The following PARD3 variants were observed in gnomAD, a reference collection of about 807,000 sequenced individuals.
PARD3 encodes partitioning defective 3 homolog.
A neutral mutation model predicts 155.4 loss-of-function variants in PARD3; 75 were observed. The ratio of observed to expected loss-of-function variants is 0.48; its 90% CI spans 0.40 to 0.58. The LOEUF (loss-of-function observed/expected upper bound fraction) is 0.58, where lower values mean the gene tolerates loss of function less well. Among genes scored for constraint, PARD3 ranks in the 20% least tolerant of loss-of-function variants. The pLI, the probability that PARD3 is intolerant of heterozygous loss-of-function variation, is 0.00. For missense variants in PARD3, 1,642 were observed against 1,721.7 expected, an observed-to-expected ratio of 0.95 and a Z score of 0.82; for synonymous variants, 576 against 610.5, an observed-to-expected ratio of 0.94 and a Z score of 0.83.
chr10:34,573,303 C>T (rs750709697), intron 2 of PARD3, among the ~76,000 whole-genome samples: 1 of 152,178 alleles, frequency 6.6e-6, no homozygotes, highest in Non-Finnish European at 1.5e-5. Context: ...CTGTAGTGAA[C>T]CATGATCACA....
intron 2 of PARD3, among the ~76,000 whole-genome samples, chr10:34,561,294 G>A (rs147817459): frequency 2.6e-4 from 40 of 152,242 alleles, no homozygotes; most frequent in Admixed American, 8.5e-4. Flanking sequence ...CATGACAATT[G>A]TAAAGGTGAA....
Position 34,131,490 on chromosome 10 carries a change from C to T in PARD3, c.3513G>A (p.Arg1171=), listed in dbSNP as rs549608022. The T allele has an allele frequency of 1.2e-6, 2 of 1,614,126 alleles. No individual in the cohort carries two copies. Among genetic ancestry groups the T allele is most frequent in the South Asian group, 2.2e-5 (2 of 91,082 alleles). The change falls in exon 23 of 25, where the codon CGG becomes CGA. Residue 1171 remains arginine (R), a synonymous_variant. Coordinates refer to ENST00000374788, the MANE Select transcript of PARD3 (RefSeq NM_001184785.2). The part of the protein sequence containing the change: ...AKQDEDVEDR[R]RTYSFEQPWP... ...AGGGTTGCTCAAAACTATAGGTCCG[C>T]CGACGATCTTCTACATCTTCATCTT...
At chr10:34,668,504 C>G (rs983433708) in intron 2 of PARD3, among the ~76,000 whole-genome samples, 12 of 152,132 alleles carry the variant, frequency 7.9e-5, no homozygotes, top group Admixed American at 7.9e-4. Context: ...CCAGGAAGAG[C>G]AGAGAGAGGA....
intron 2 of PARD3, among the ~76,000 whole-genome samples, chr10:34,566,887 C>CT (rs1212017163): frequency 6.6e-6 from 1 of 152,070 alleles, no homozygotes; most frequent in Non-Finnish European, 1.5e-5. Context: ...TATTAACACT[C>CT]TTTTTTTGAA....
chr10:34,125,237 T>C (rs1947220637), intron 23 of PARD3, among the ~76,000 whole-genome samples: 1 of 152,094 alleles, frequency 6.6e-6, no homozygotes, highest in Non-Finnish European at 1.5e-5. Flanking sequence ...CGGCTAATTT[T>C]TGTATTTTTA....
In PARD3 at chr10:34,715,473, G is replaced by A. The variant is rs533397628; in HGVS notation, c.121-19054C>T. 7.8e-4 allele frequency among the ~76,000 whole-genome samples: 119 copies of A among 152,214 alleles called. 1 individual carries two copies. The highest frequency in any genetic ancestry group is 3.4e-3 in the Middle Eastern group (1 of 294). On this transcript the variant is annotated intron_variant, in intron 1 of 24. Coordinates refer to ENST00000374788, the MANE Select transcript of PARD3 (RefSeq NM_001184785.2). ...GCCATGAAGTCCACAGGATCTTCCT[G>A]TTGCTCAAACTTGTTATCTGCTTGT...
intron 14 of PARD3, among the ~76,000 whole-genome samples, chr10:34,352,635 G>C (rs1238515398): frequency 6.6e-6 from 1 of 152,212 alleles, no homozygotes; most frequent in African/African-American, 2.4e-5. Context: ...ACGGAGTCTC[G>C]CTCACTCAGT....
chr10:34,401,344 G>A (rs1397576630), intron 6 of PARD3, among the ~76,000 whole-genome samples: 2 of 152,024 alleles, frequency 1.3e-5, no homozygotes, highest in African/African-American at 4.8e-5. Context: ...TAAATATCTT[G>A]AAAGATTCTA....
At chr10:34,799,859 G>A (rs2134320459) in intron 1 of PARD3, among the ~76,000 whole-genome samples, 1 of 151,940 alleles carries the variant, frequency 6.6e-6, no homozygotes, top group East Asian at 1.9e-4. Context: ...CAAGTGTGGT[G>A]GCGCATGCCT....
At chr10:34,461,083 C>G (rs1186319223) in intron 4 of PARD3, among the ~76,000 whole-genome samples, 1 of 152,100 alleles carries the variant, frequency 6.6e-6, no homozygotes, top group Admixed American at 6.6e-5. Context: ...CTGACTGGAA[C>G]ACATTTCTCC....
intron 20 of PARD3, among the ~76,000 whole-genome samples, chr10:34,303,188 A>C (rs1230793214): frequency 7.7e-6 from 1 of 130,104 alleles, no homozygotes; most frequent in Non-Finnish European, 1.5e-5. Flanking sequence ...TTTTTGTGCA[A>C]GGCAGGTAAA....
At chr10:34,566,303 G>C (rs1308650892) in intron 2 of PARD3, among the ~76,000 whole-genome samples, 1 of 152,188 alleles carries the variant, frequency 6.6e-6, no homozygotes, top group Non-Finnish European at 1.5e-5. Flanking sequence ...CTGCAAAGAG[G>C]AAAGCCTTGC....
At chr10:34,356,514 A>C (rs1227139122) in intron 14 of PARD3, among the ~76,000 whole-genome samples, 1 of 152,244 alleles carries the variant, frequency 6.6e-6, no homozygotes, top group African/African-American at 2.4e-5. Flanking sequence ...CAAACCTTGG[A>C]TTTAAAGATG....
At chr10:34,308,309 T>G (rs1035881142) in intron 20 of PARD3, among the ~76,000 whole-genome samples, 87 of 152,226 alleles carry the variant, frequency 5.7e-4, no homozygotes, top group African/African-American at 2.0e-3. Flanking sequence ...AAGCAGGGGT[T>G]GAGGCAGGGA....
At chr10:34,419,920 A>G (rs990872538) in intron 5 of PARD3, among the ~76,000 whole-genome samples, 1 of 152,160 alleles carries the variant, frequency 6.6e-6, no homozygotes, top group African/African-American at 2.4e-5. Context: ...AATACCTAGG[A>G]ATTTATTTTT....
intron 1 of PARD3, among the ~76,000 whole-genome samples, chr10:34,775,613 C>T (rs1839428317): frequency 6.6e-6 from 1 of 152,068 alleles, no homozygotes; most frequent in Non-Finnish European, 1.5e-5. Context: ...TCCAAACAAT[C>T]TACTACAAGA....
At chr10:34,384,416 G>A (rs779724350) in intron 7 of PARD3, among the ~76,000 whole-genome samples, 162 bp from the exon 8 acceptor site, 50 of 152,078 alleles carry the variant, frequency 3.3e-4, no homozygotes, top group Non-Finnish European at 4.7e-4. Flanking sequence ...AAACCACAAC[G>A]TTAAAATGAC....
At chr10:34,307,771 T>A (rs1957487983) in intron 20 of PARD3, among the ~76,000 whole-genome samples, 1 of 152,104 alleles carries the variant, frequency 6.6e-6, no homozygotes, top group Non-Finnish European at 1.5e-5. Flanking sequence ...TTACACTTAC[T>A]GGGCACTGAT....
At chr10:34,345,019 G>C (rs1157852421) in intron 15 of PARD3, 2 of 984,914 alleles carry the variant, frequency 2.0e-6, no homozygotes, top group East Asian at 1.1e-4. Flanking sequence ...TGGGTGCCAG[G>C]ATAGAATAAG....
Sources: gnomAD v4.1 joint callset for allele counts (sites outside exome capture counted in the v4.1 genomes callset) on GRCh38, gnomAD v4.1.1 for gene constraint, MANE v1.5 for transcripts, NCBI Gene and HGNC (gene_info 2026-07-23, HGNC 2026-07-21) for gene names.